Variants in CADM2 observed in about 807,000 individuals in gnomAD.
CADM2 encodes the protein cell adhesion molecule 2.
A neutral mutation model predicts 49.8 loss-of-function variants in CADM2; 12 were observed. That is an observed-to-expected ratio of 0.24 (90% CI 0.15 to 0.39). The LOEUF (loss-of-function observed/expected upper bound fraction) is 0.39. Among genes scored for constraint, CADM2 ranks in the 10% least tolerant of loss-of-function variants. CADM2 has a pLI of 1.00. For missense variants in CADM2, 378 were observed against 492.3 expected (o/e 0.77, Z 2.20); for synonymous variants, 214 against 175.4 (o/e 1.22, Z -1.74).
chr3:85,483,583 A>G (rs1001484932), intron 1 of CADM2, among the ~76,000 whole-genome samples: 1 of 150,744 alleles, frequency 6.6e-6, no homozygotes, highest in Non-Finnish European at 1.5e-5. Flanking sequence ...ATATGTACAT[A>G]TTAATATGTT....
chr3:85,235,190 C>A (rs139081830), intron 1 of CADM2, among the ~76,000 whole-genome samples: 2 of 152,150 alleles, frequency 1.3e-5, no homozygotes, highest in Admixed American at 1.3e-4. Context: ...TAGAATATTT[C>A]ATGTAGATGG....
At chr3:85,993,722 A>G (rs1315189470) in intron 8 of CADM2, 2 of 152,078 alleles carry the variant, frequency 1.3e-5, no homozygotes, top group Non-Finnish European at 1.5e-5. Context: ...GACCTTATAC[A>G]TCTCCTTTAG....
At chr3:85,989,849 TA>T (rs1212679047) in intron 8 of CADM2, among the ~76,000 whole-genome samples, 1 of 150,848 alleles carries the variant, frequency 6.6e-6, no homozygotes, top group Non-Finnish European at 1.5e-5. Context: ...CCGTGTCTAC[TA>T]AAAATACAAA....
intron 1 of CADM2, among the ~76,000 whole-genome samples, chr3:85,279,573 T>C (rs981653005): frequency 4.0e-5 from 6 of 151,538 alleles, no homozygotes; most frequent in Non-Finnish European, 7.4e-5. Flanking sequence ...TTTAAGTTTT[T>C]AGCTTTTTAT....
chr3:85,592,778 A>C (rs1013081413), intron 1 of CADM2, among the ~76,000 whole-genome samples: 1 of 151,900 alleles, frequency 6.6e-6, no homozygotes, highest in East Asian at 1.9e-4. Flanking sequence ...ATAGGTATAC[A>C]TGTGCCATGG....
chr3:85,120,639 G>A (rs904964899), intron 1 of CADM2, among the ~76,000 whole-genome samples: 4 of 152,028 alleles, frequency 2.6e-5, no homozygotes, highest in Non-Finnish European at 4.4e-5. Flanking sequence ...AGAACACATG[G>A]ACATAGGGAG....
intron 1 of CADM2, among the ~76,000 whole-genome samples, chr3:85,336,979 A>T (rs1201395623): frequency 9.3e-5 from 2 of 21,516 alleles, no homozygotes; most frequent in African/African-American, 1.1e-4. Flanking sequence ...ATATATATTT[A>T]ATATATATAT....
chr3:85,455,114 T>C (rs1390644246), intron 1 of CADM2, among the ~76,000 whole-genome samples: 3 of 152,176 alleles, frequency 2.0e-5, no homozygotes, highest in Admixed American at 2.0e-4. Flanking sequence ...GAAATTCCAG[T>C]GTATGCTTCC....
intron 1 of CADM2, among the ~76,000 whole-genome samples, chr3:85,306,318 G>A (rs149873909): frequency 1.6e-3 from 237 of 151,572 alleles, no homozygotes; most frequent in African/African-American, 5.4e-3. Context: ...TTTTTGACTG[G>A]TATGCATAAA....
At chr3:85,504,842 G>A (rs956765903) in intron 1 of CADM2, among the ~76,000 whole-genome samples, 2 of 152,310 alleles carry the variant, frequency 1.3e-5, no homozygotes, top group Admixed American at 6.5e-5. Flanking sequence ...GCTAAGGCCC[G>A]GCGAGAAATA....
At chr3:85,652,582 C>T (rs2065072641) in intron 1 of CADM2, among the ~76,000 whole-genome samples, 3 of 151,834 alleles carry the variant, frequency 2.0e-5, no homozygotes, top group Non-Finnish European at 4.4e-5. Flanking sequence ...CACTTCTATG[C>T]CAGCAACAAA....
chr3:85,630,229 T>TA (rs1205777937), intron 1 of CADM2, among the ~76,000 whole-genome samples: 1 of 152,080 alleles, frequency 6.6e-6, no homozygotes, highest in African/African-American at 2.4e-5. Context: ...GATCTTTTTT[T>TA]ATCTCACCCC....
At chr3:85,986,928 C>T (rs1728188681) in intron 8 of CADM2, among the ~76,000 whole-genome samples, 1 of 151,922 alleles carries the variant, frequency 6.6e-6, no homozygotes, top group South Asian at 2.1e-4. Flanking sequence ...TGAATAGTTG[C>T]AATGTATCAA....
intron 1 of CADM2, among the ~76,000 whole-genome samples, chr3:85,429,651 G>A (rs146691878): frequency 6.6e-6 from 1 of 151,940 alleles, no homozygotes; most frequent in East Asian, 1.9e-4. Context: ...CCAAACACTG[G>A]GATAATCTTG....
At chr3:86,066,162 G>A (rs1170816514) in intron 9 of CADM2, among the ~76,000 whole-genome samples, 11 of 151,548 alleles carry the variant, frequency 7.3e-5, no homozygotes, top group Admixed American at 5.9e-4. Flanking sequence ...TTTACCAAAA[G>A]AAACGGTGAC....
chr3:85,770,189 T>A (rs550757688), intron 2 of CADM2, among the ~76,000 whole-genome samples: 1 of 152,250 alleles, frequency 6.6e-6, no homozygotes, highest in East Asian at 1.9e-4. Flanking sequence ...TAGTCATCGA[T>A]GTCATTTCTA....
intron 8 of CADM2, among the ~76,000 whole-genome samples, chr3:85,999,988 A>G (rs946710681): frequency 3.9e-5 from 6 of 152,210 alleles, no homozygotes; most frequent in Non-Finnish European, 4.4e-5. Context: ...GATGTTGAAT[A>G]TATTGTTTAA....
chr3:84,968,615 C>T (rs1022104330), intron 1 of CADM2, among the ~76,000 whole-genome samples: 9 of 152,076 alleles, frequency 5.9e-5, no homozygotes, highest in Non-Finnish European at 1.2e-4. Context: ...ATACATAATA[C>T]AGTATCTGTT....
chr3:85,195,346 T>C (rs374001959), intron 1 of CADM2, among the ~76,000 whole-genome samples: 254 of 152,184 alleles, frequency 1.7e-3, no homozygotes, highest in South Asian at 2.9e-3. Flanking sequence ...TCTTTCTGGG[T>C]CTTTGTACAC....
Sources: allele counts gnomAD v4.1 joint callset (sites outside exome capture counted in the v4.1 genomes callset), GRCh38; gene constraint gnomAD v4.1.1; transcripts MANE v1.5; gene names NCBI Gene and HGNC (gene_info 2026-07-23, HGNC 2026-07-21).